Variants in GRM7 observed in about 807,000 individuals in gnomAD.
GRM7 encodes metabotropic glutamate receptor 7.
A neutral mutation model predicts 84.5 loss-of-function variants in GRM7; 35 were observed. That is an observed-to-expected ratio of 0.41 (90% confidence interval 0.32 to 0.55). The LOEUF is 0.55. Ranked by LOEUF, GRM7 falls within the 20% of genes least tolerant of loss-of-function variation. The pLI, the probability that GRM7 is intolerant of heterozygous loss-of-function variation, is 0.19. For synonymous variants in GRM7, 487 were observed against 455.1 expected (o/e 1.07, Z -0.89); for missense variants, 1,003 against 1,194.6 (o/e 0.84, Z 2.36).
At chr3:7,597,053 A>G (rs777509400) in intron 8 of GRM7, among the ~76,000 whole-genome samples, 2 of 152,196 alleles carry the variant, frequency 1.3e-5, no homozygotes, top group Non-Finnish European at 2.9e-5. Flanking sequence ...GCTATAAAGA[A>G]ATACCTGAGA....
At chr3:7,604,666 G>A (rs1255924048) in intron 8 of GRM7, among the ~76,000 whole-genome samples, 6 of 152,118 alleles carry the variant, frequency 3.9e-5, no homozygotes, top group African/African-American at 1.4e-4. Flanking sequence ...CCTAAAATAT[G>A]ATATACCAGG....
intron 8 of GRM7, among the ~76,000 whole-genome samples, chr3:7,649,116 C>T (rs1698806520): frequency 6.6e-6 from 1 of 151,814 alleles, no homozygotes; most frequent in African/African-American, 2.4e-5. Context: ...GTTGCCCAGG[C>T]TGGAGTGCAG....
intron 8 of GRM7, among the ~76,000 whole-genome samples, chr3:7,585,357 G>A (rs772410872): frequency 2.0e-4 from 31 of 152,204 alleles, no homozygotes; most frequent in Middle Eastern, 3.4e-3. Flanking sequence ...TGGTGCAGTC[G>A]TTTTTCTTCC....
intron 9 of GRM7, chr3:7,691,303 G>A (rs892980020): frequency 2.4e-6 from 3 of 1,262,032 alleles, no homozygotes; most frequent in African/African-American, 1.5e-5. Context: ...AGGAAAACAT[G>A]ACATGGATCA....
At position 7,737,878 on chromosome 3, in the gene GRM7, G is replaced by A. The variant is rs368468763; in HGVS notation, c.2699-2479G>A. Among the ~76,000 whole-genome samples, 145 of 132,082 alleles carry A rather than the reference G, an allele frequency of 1.1e-3. 1 individual carries two copies. The highest frequency in any genetic ancestry group is 3.6e-3 in the African/African-American group (126 of 34,626). The allele number at this position is 132,082 out of a possible 152,430, so 86.7% of individuals were successfully genotyped here. ...TTTTTTTTTTTTGACACAAAGTTTC[G>A]CTCTTGTTGTGCAGGCTGGAGCGCA... On this transcript the variant is annotated intron_variant, in intron 9 of 9. Transcript: ENST00000357716.
rs141704490 is a variant in GRM7, at chr3:7,438,777, G to C, written c.1175-13830G>C. Among the ~76,000 whole-genome samples the C allele has an allele frequency of 2.9e-3, 446 of 152,254 alleles. 1 individual carries two copies. The highest frequency in any genetic ancestry group is 0.01 in the African/African-American group (425 of 41,558). ...AAGAGAGCTCTGTATTTGTTCATCA[G>C]AGTAAGTTTCTCAAGGTGTAGAGAA... On this transcript the variant is annotated intron_variant, in intron 5 of 9. Transcript: ENST00000357716.
intron 4 of GRM7, among the ~76,000 whole-genome samples, chr3:7,366,231 C>T (rs1458848885): frequency 1.3e-5 from 2 of 151,840 alleles, no homozygotes; most frequent in Admixed American, 6.6e-5. Flanking sequence ...CTACTATCTT[C>T]TGTAACTCTT....
At position 7,164,101 on chromosome 3, in the gene GRM7, G is replaced by C. The variant is rs139512514; in HGVS notation, c.736+17433G>C. Among the ~76,000 whole-genome samples the C allele has an allele frequency of 4.7e-3, 717 of 152,272 alleles. 4 individuals are homozygous for C. The highest frequency in any genetic ancestry group is 0.016 in the African/African-American group (659 of 41,560). ...TAGCCACATGCAGTGGCTCACACCTGTAATCCCAGCACTTTGGGAGGCTGA... is the reference window on the plus strand; with the variant it reads ...TAGCCACATGCAGTGGCTCACACCTCTAATCCCAGCACTTTGGGAGGCTGA... On this transcript the variant is annotated intron_variant, in intron 2 of 9. Transcript: ENST00000357716.
At chr3:6,901,113 T>C (rs1371203549) in intron 1 of GRM7, among the ~76,000 whole-genome samples, 1 of 152,200 alleles carries the variant, frequency 6.6e-6, no homozygotes, top group Non-Finnish European at 1.5e-5. Flanking sequence ...TTTGTTTTTA[T>C]TTAGGAGTTA....
chr3:7,561,420 C>A (rs1694023202), intron 7 of GRM7: 15 of 444,286 alleles, frequency 3.4e-5, no homozygotes, highest in South Asian at 2.4e-4. Context: ...TAATACAGTG[C>A]ATGGAACACA....
chr3:7,272,766 A>G (rs1698913294), intron 2 of GRM7, among the ~76,000 whole-genome samples: 1 of 151,588 alleles, frequency 6.6e-6, no homozygotes, highest in Non-Finnish European at 1.5e-5. Context: ...TTAGAGGTTA[A>G]TTAATTTTGT....
At chr3:7,563,349 C>A (rs1694112166) in intron 7 of GRM7, among the ~76,000 whole-genome samples, 1 of 152,070 alleles carries the variant, frequency 6.6e-6, no homozygotes, top group African/African-American at 2.4e-5. Flanking sequence ...ATATCCTAAT[C>A]CTAAAAGTTC....
chr3:7,470,111 A>G (rs1338199432), intron 7 of GRM7, among the ~76,000 whole-genome samples: 1 of 152,068 alleles, frequency 6.6e-6, no homozygotes, highest in Non-Finnish European at 1.5e-5. Flanking sequence ...CCCTCCTCCT[A>G]CCACTCTCTT....
intron 1 of GRM7, among the ~76,000 whole-genome samples, chr3:6,930,981 C>G (rs1697478576): frequency 6.6e-6 from 1 of 152,190 alleles, no homozygotes; most frequent in African/African-American, 2.4e-5. Flanking sequence ...ATGCCCCATC[C>G]TTTCCCACTG....
At chr3:7,148,124 A>G (rs1476891217) in intron 2 of GRM7, among the ~76,000 whole-genome samples, 1 of 152,198 alleles carries the variant, frequency 6.6e-6, no homozygotes, top group Non-Finnish European at 1.5e-5. Flanking sequence ...GCCTTGTGGC[A>G]GGCTGTGATT....
intron 1 of GRM7, among the ~76,000 whole-genome samples, chr3:6,998,581 T>G (rs1694906238): frequency 6.6e-6 from 1 of 152,250 alleles, no homozygotes; most frequent in African/African-American, 2.4e-5. Flanking sequence ...TGCCCTAGCA[T>G]AAGTTCTCCC....
chr3:7,621,454 T>C (rs1015836954), intron 8 of GRM7, among the ~76,000 whole-genome samples: 4 of 152,128 alleles, frequency 2.6e-5, no homozygotes, highest in African/African-American at 9.7e-5. Context: ...AAAAGAATTA[T>C]GGATGAAATT....
intron 8 of GRM7, among the ~76,000 whole-genome samples, chr3:7,605,873 T>G (rs1696537679): frequency 6.6e-6 from 1 of 152,182 alleles, no homozygotes; most frequent in African/African-American, 2.4e-5. Flanking sequence ...ACTTTGCTAT[T>G]GTAGTGCAAA....
intron 1 of GRM7, among the ~76,000 whole-genome samples, chr3:7,010,106 T>C (rs1489401390): frequency 6.6e-6 from 1 of 152,080 alleles, no homozygotes; most frequent in South Asian, 2.1e-4. Flanking sequence ...GGCCAGTAGA[T>C]AGAAAATTAC....
Sources: gnomAD v4.1 joint callset for allele counts (sites outside exome capture counted in the v4.1 genomes callset) on GRCh38, gnomAD v4.1.1 for gene constraint, MANE v1.5 for transcripts, NCBI Gene and HGNC (gene_info 2026-07-23, HGNC 2026-07-21) for gene names.